CADM1: variants seen among roughly 807,000 people sequenced by gnomAD.
The protein encoded by CADM1 is TSLC-1.
A neutral mutation model predicts 53.1 loss-of-function variants in CADM1; 15 were observed. The observed-to-expected ratio is 0.28, with a 90% CI of 0.19 to 0.44. CADM1 has a LOEUF of 0.44. Among genes scored for constraint, CADM1 ranks in the 20% least tolerant of loss-of-function variants. The pLI is 1.00. For synonymous variants in CADM1, 281 were observed against 243.0 expected, an observed-to-expected ratio of 1.16 and a Z score of -1.45; for missense variants, 434 against 611.3, an observed-to-expected ratio of 0.71 and a Z score of 3.06.
chr11:115,320,032 C>A (rs188208494), intron 1 of CADM1, among the ~76,000 whole-genome samples: 1 of 152,184 alleles, frequency 6.6e-6, no homozygotes, highest in East Asian at 1.9e-4. Context: ...CAATCTAGTT[C>A]CATCTTTTCT....
chr11:115,397,459 G>A (rs769865499), intron 1 of CADM1: 3 of 152,132 alleles, frequency 2.0e-5, no homozygotes, highest in Non-Finnish European at 4.4e-5. Flanking sequence ...GTATCAAGAT[G>A]TAGAATAGTA....
chr11:115,281,484 A>C (rs903963958), intron 1 of CADM1, among the ~76,000 whole-genome samples: 1 of 152,234 alleles, frequency 6.6e-6, no homozygotes, highest in African/African-American at 2.4e-5. Context: ...AATTTTTTTA[A>C]CCATTTTTCT....
chr11:115,224,628 T>C (rs951608213), intron 5 of CADM1, among the ~76,000 whole-genome samples: 6 of 152,124 alleles, frequency 3.9e-5, no homozygotes, highest in Non-Finnish European at 8.8e-5. Flanking sequence ...ATTCAAGAGC[T>C]TCATATTCAC....
intron 1 of CADM1, among the ~76,000 whole-genome samples, chr11:115,400,515 A>G (rs1302229462): frequency 4.0e-5 from 6 of 148,482 alleles, no homozygotes; most frequent in Non-Finnish European, 8.9e-5. Context: ...TTCACATTAT[A>G]TATCAGAATA....
intron 1 of CADM1, among the ~76,000 whole-genome samples, chr11:115,403,683 A>G (rs1281302016): frequency 6.6e-6 from 1 of 151,716 alleles, no homozygotes; most frequent in Non-Finnish European, 1.5e-5. Context: ...TGCAACCTCC[A>G]CCTCCTGGGT....
At chr11:115,255,214 C>T (rs908149968) in intron 1 of CADM1, among the ~76,000 whole-genome samples, 1 of 152,196 alleles carries the variant, frequency 6.6e-6, no homozygotes, top group Non-Finnish European at 1.5e-5. Flanking sequence ...TAGCTGCCTT[C>T]TAAGGAAAGA....
At chr11:115,336,671 T>G (rs1945275836) in intron 1 of CADM1, among the ~76,000 whole-genome samples, 2 of 152,168 alleles carry the variant, frequency 1.3e-5, no homozygotes, top group African/African-American at 2.4e-5. Flanking sequence ...CTGATGTGTT[T>G]GTTCACAATT....
intron 1 of CADM1, among the ~76,000 whole-genome samples, chr11:115,259,473 T>C (rs1942901634): frequency 6.6e-6 from 1 of 151,556 alleles, no homozygotes; most frequent in Non-Finnish European, 1.5e-5. Context: ...CCCCAGCTAA[T>C]TTTTATAGAT....
At chr11:115,209,735 G>A in intron 7 of CADM1, 78 bp from the exon 8 acceptor site, 2 of 1,542,536 alleles carry the variant, frequency 1.3e-6, no homozygotes, top group Non-Finnish European at 1.8e-6. Flanking sequence ...ACAAAGGCAT[G>A]AGGACATTGA....
chr11:115,445,010 C>A (rs1948418367), intron 1 of CADM1, among the ~76,000 whole-genome samples: 1 of 152,160 alleles, frequency 6.6e-6, no homozygotes, highest in Admixed American at 6.6e-5. Flanking sequence ...GTGACAAACA[C>A]AGTTTTAATC....
intron 1 of CADM1, among the ~76,000 whole-genome samples, chr11:115,249,870 G>A (rs1312967810): frequency 6.6e-6 from 1 of 152,170 alleles, no homozygotes; most frequent in African/African-American, 2.4e-5. Flanking sequence ...TGAGTCGTAA[G>A]TATATCAGAG....
At chr11:115,396,848 CTCTT>C (rs1384427114) in intron 1 of CADM1, 1 of 151,812 alleles carries the variant, frequency 6.6e-6, no homozygotes, top group African/African-American at 2.4e-5. Context: ...TATAAGCGTT[CTCTT>C]TTTTTTTTTT....
intron 1 of CADM1, among the ~76,000 whole-genome samples, chr11:115,454,268 G>A (rs973878546): frequency 6.6e-6 from 1 of 152,194 alleles, no homozygotes; most frequent in African/African-American, 2.4e-5. Context: ...TGAGGAAGCT[G>A]TAAGGTCTTT....
intron 1 of CADM1, among the ~76,000 whole-genome samples, chr11:115,252,303 A>G (rs1370042003): frequency 3.9e-5 from 6 of 152,248 alleles, no homozygotes; most frequent in Non-Finnish European, 8.8e-5. Context: ...TGCTAAATAG[A>G]GAACTATGAC....
At chr11:115,305,900 C>CAAAAAAAA (rs35517673) in intron 1 of CADM1, among the ~76,000 whole-genome samples, 1 of 80,816 alleles carries the variant, frequency 1.2e-5, no homozygotes. Flanking sequence ...GACTCCATCT[C>CAAAAAAAA]AAAAAAAAAA....
intron 1 of CADM1, among the ~76,000 whole-genome samples, chr11:115,310,180 G>T (rs762729144): frequency 6.6e-6 from 1 of 152,046 alleles, no homozygotes; most frequent in Non-Finnish European, 1.5e-5. Flanking sequence ...AAAAGGTCAA[G>T]GTTATGCCTA....
chr11:115,267,429 T>A (rs555258831), intron 1 of CADM1, among the ~76,000 whole-genome samples: 6 of 152,344 alleles, frequency 3.9e-5, no homozygotes, highest in Non-Finnish European at 8.8e-5. Context: ...GTGTGCTATC[T>A]CCTTGAGGGA....
rs567849935 is a variant in CADM1, at chr11:115,308,961, T to G, written c.125-68541A>C. On this transcript the variant is annotated intron_variant, in intron 1 of 11. Coordinates refer to ENST00000331581, the MANE Select transcript of CADM1 (RefSeq NM_001301043.2). Reference sequence around the variant, plus strand: ...ACAATGAGTATTCAGTTAAACTATGTGTTACACAAAAGGTAGAGATTTGCT... The same window carrying G: ...ACAATGAGTATTCAGTTAAACTATGGGTTACACAAAAGGTAGAGATTTGCT... 5.9e-5 allele frequency among the ~76,000 whole-genome samples: 9 copies of G among 152,258 alleles called. No homozygotes were observed. In the South Asian group the frequency reaches 1.7e-3, roughly 28 times the overall value.
chr11:115,244,332 C>A (rs992098388), intron 1 of CADM1, among the ~76,000 whole-genome samples: 2 of 152,184 alleles, frequency 1.3e-5, no homozygotes, highest in African/African-American at 4.8e-5. Context: ...TTCCTAAAAC[C>A]TCATTTTGTT....
Sources: gnomAD v4.1 joint callset for allele counts (sites outside exome capture counted in the v4.1 genomes callset) on GRCh38, gnomAD v4.1.1 for gene constraint, MANE v1.5 for transcripts, NCBI Gene and HGNC (gene_info 2026-07-23, HGNC 2026-07-21) for gene names.